The following POLE2 variants were observed in gnomAD, a reference collection of about 807,000 sequenced individuals.
POLE2 encodes DNA polymerase epsilon 2, accessory subunit.
A neutral mutation model predicts 79.4 loss-of-function variants in POLE2; 56 were observed. The ratio of observed to expected loss-of-function variants is 0.71; its 90% CI spans 0.57 to 0.88. The LOEUF (loss-of-function observed/expected upper bound fraction) is 0.88. POLE2 is among the 40% of genes least tolerant of loss of function. The probability of loss-of-function intolerance (pLI) is 0.00; values close to 1 mark genes in which losing one functional copy is unlikely to be tolerated. For synonymous variants in POLE2, 212 were observed against 214.0 expected, an observed-to-expected ratio of 0.99 and a Z score of 0.08; for missense variants, 598 against 638.9, an observed-to-expected ratio of 0.94 and a Z score of 0.69.
chr14:49,643,819 TAA>T (rs1019963912), intron 18 of POLE2, 149 bp from the exon 19 acceptor site: 8 of 336,684 alleles, frequency 2.4e-5, no homozygotes, highest in African/African-American at 1.8e-4. Context: ...AAGGAGACTC[TAA>T]AAAATAAGTC....
At chr14:49,661,648 AC>A (rs1885106655) in intron 10 of POLE2, among the ~76,000 whole-genome samples, 1 of 152,216 alleles carries the variant, frequency 6.6e-6, no homozygotes, top group South Asian at 2.1e-4. Context: ...ACCTATTTGC[AC>A]TTATTTGTAA....
chr14:49,664,590 T>C (rs1885340505), intron 9 of POLE2, 36 bp downstream of exon 9: 1 of 1,336,182 alleles, frequency 7.5e-7, no homozygotes, highest in Admixed American at 1.8e-5. Context: ...TACTGGAGAA[T>C]GAGAAGAAGG....
intron 10 of POLE2, among the ~76,000 whole-genome samples, chr14:49,657,378 T>A (rs564811274): frequency 6.6e-6 from 1 of 151,486 alleles, no homozygotes; most frequent in South Asian, 2.1e-4. Context: ...CATTCATGCA[T>A]AAAAAGAAAC....
rs1452046136 is a variant in POLE2 at position 49,683,694 on chromosome 14, C to T, written c.69-1G>A. On this transcript the variant is annotated splice_acceptor_variant, in intron 1 of 18. Transcript: ENST00000216367. LOFTEE classifies it high-confidence loss of function. Reference sequence around the variant, plus strand: ...TTCTGTGAGGTACTTAATAGCTTCACTAAGAAAAGGAAAGGAAAAATGAGG... The same window carrying T: ...TTCTGTGAGGTACTTAATAGCTTCATTAAGAAAAGGAAAGGAAAAATGAGG... The T allele has an allele frequency of 1.4e-6, 2 of 1,479,384 alleles. No homozygotes were observed. Among genetic ancestry groups the T allele is most frequent in the Non-Finnish European group, 1.9e-6 (2 of 1,070,698 alleles). The allele number at this position is 1,479,384 out of a possible 1,614,324, so 91.6% of individuals were successfully genotyped here.
At chr14:49,682,439 C>A (rs1886784100) in intron 2 of POLE2, among the ~76,000 whole-genome samples, 1 of 151,508 alleles carries the variant, frequency 6.6e-6, no homozygotes, top group Admixed American at 6.6e-5. Context: ...CGGTTCGAGA[C>A]CAGCCTGGCC....
chr14:49,643,779 G>A (rs1372368674), intron 18 of POLE2, 109 bp from the exon 19 acceptor site: 1 of 544,252 alleles, frequency 1.8e-6, no homozygotes, highest in East Asian at 3.4e-5. Flanking sequence ...TTAAAAACAG[G>A]TCAATACATA....
rs190573726 is a variant in POLE2 at position 49,659,875 on chromosome 14, C to T, written c.755+3440G>A. ...GCTAGGATTGATTATAGGTGTGAGC[C>T]ACTGTGCCCAGGCTAGGTTAATTTC... On this transcript the variant is annotated intron_variant, in intron 10 of 18. Coordinates refer to ENST00000216367, the MANE Select transcript of POLE2 (RefSeq NM_002692.4). 1.0e-3 allele frequency among the ~76,000 whole-genome samples: 159 copies of T among 152,274 alleles called. 2 individuals are homozygous for T. The highest frequency in any genetic ancestry group is 7.4e-5 in the Non-Finnish European group (5 of 68,004).
chr14:49,683,363 T>C (rs867814837), intron 2 of POLE2, among the ~76,000 whole-genome samples: 11 of 151,502 alleles, frequency 7.3e-5, no homozygotes, highest in African/African-American at 2.4e-4. Context: ...GATAGCGCCA[T>C]TGCACTCCAG....
chr14:49,657,904 T>A (rs1332810461), intron 10 of POLE2, among the ~76,000 whole-genome samples: 1 of 152,156 alleles, frequency 6.6e-6, no homozygotes. Context: ...ATTCTATTTT[T>A]ACAAATGAGA....
Position 49,688,214 on chromosome 14 carries a change from T to G in POLE2, c.-11A>C. 3.3e-6 allele frequency: 5 copies of G among 1,520,860 alleles called. No homozygotes were observed. Among genetic ancestry groups the G allele is most frequent in the Non-Finnish European group, 1.8e-6 (2 of 1,136,516 alleles). The allele number at this position is 1,520,860 out of a possible 1,614,324, so 94.2% of individuals were successfully genotyped here. ...CCGCTCCGGCGCCATATTTGCGATT[T>G]GGCGCCACCGCCGCAGCTCCGCCCC... On this transcript the variant is annotated 5_prime_UTR_variant, in exon 1 of 19. Coordinates refer to ENST00000216367, the MANE Select transcript of POLE2 (RefSeq NM_002692.4).
intron 10 of POLE2, among the ~76,000 whole-genome samples, chr14:49,658,517 G>A (rs1884875746): frequency 6.6e-6 from 1 of 152,160 alleles, no homozygotes; most frequent in Admixed American, 6.5e-5. Context: ...CTTTAGTATT[G>A]ACTTTAGGAG....
intron 18 of POLE2, among the ~76,000 whole-genome samples, chr14:49,644,126 C>G (rs988813515): frequency 1.0e-3 from 152 of 150,514 alleles, no homozygotes; most frequent in South Asian, 4.2e-4. Context: ...GTGATCCACC[C>G]GCCTCAGCCT....
At chr14:49,664,712 G>T (rs763088263) in intron 8 of POLE2, 38 bp from the exon 9 acceptor site, 18 of 1,307,094 alleles carry the variant, frequency 1.4e-5, no homozygotes, top group East Asian at 6.9e-5. Flanking sequence ...TATTCTTGAG[G>T]CAGTAATAAA....
chr14:49,652,873 CT>C (rs750072239), intron 15 of POLE2, among the ~76,000 whole-genome samples: 6 of 152,128 alleles, frequency 3.9e-5, no homozygotes, highest in Non-Finnish European at 5.9e-5. Flanking sequence ...TGGCGTCTGT[CT>C]CCCATAAGAT....
chr14:49,657,111 T>TAAA (rs1884741216), intron 10 of POLE2, among the ~76,000 whole-genome samples: 1 of 96,082 alleles, frequency 1.0e-5, no homozygotes, highest in African/African-American at 3.9e-5. Context: ...AGATTTTGCC[T>TAAA]CAAAAAAAAA....
intron 18 of POLE2, among the ~76,000 whole-genome samples, chr14:49,645,099 C>G (rs1883671554): frequency 6.6e-6 from 1 of 151,366 alleles, no homozygotes; most frequent in Non-Finnish European, 1.5e-5. Flanking sequence ...CATGATGTAC[C>G]TACTTGTATG....
At chr14:49,654,692 G>C in intron 13 of POLE2, 92 bp downstream of exon 13, 1 of 1,363,192 alleles carries the variant, frequency 7.3e-7, no homozygotes, top group Non-Finnish European at 9.7e-7. Context: ...TTCTTCCTTA[G>C]TTTTGTAATA....
chr14:49,650,552 G>C, intron 16 of POLE2, 111 bp from the exon 17 acceptor site: 1 of 605,984 alleles, frequency 1.7e-6, no homozygotes, highest in Non-Finnish European at 2.5e-6. Context: ...CAGAAAATTT[G>C]AGAAACTAGG....
rs773835359 is a variant in POLE2 at position 49,643,649 on chromosome 14, A to G, written c.*3T>C. The G allele has an allele frequency of 1.4e-6, 2 of 1,408,896 alleles. No individual in the cohort carries two copies. The highest frequency in any genetic ancestry group is 2.0e-6 in the Non-Finnish European group (2 of 1,012,440). 87.3% of individuals were successfully genotyped at this position (1,408,896 alleles called of 1,614,324 possible). A position where few individuals can be genotyped will look rare whatever the true frequency, so the allele number is the denominator to read the frequency against. ...AATTTTCTTCAGATGATCTTTAAGAATCTCAAAAGCCTTGAAGTTTGCTGA... is the reference window on the plus strand; with the variant it reads ...AATTTTCTTCAGATGATCTTTAAGAGTCTCAAAAGCCTTGAAGTTTGCTGA... On this transcript the variant is annotated 3_prime_UTR_variant, in exon 19 of 19. Coordinates refer to ENST00000216367, the MANE Select transcript of POLE2 (RefSeq NM_002692.4).
Sources: gnomAD v4.1 joint callset for allele counts (sites outside exome capture counted in the v4.1 genomes callset) on GRCh38, gnomAD v4.1.1 for gene constraint, MANE v1.5 for transcripts, NCBI Gene and HGNC (gene_info 2026-07-23, HGNC 2026-07-21) for gene names.